Variants in GINS1 observed in about 807,000 individuals in gnomAD.
GINS1 encodes the protein GINS complex subunit 1, also known as DNA replication complex GINS protein PSF1.
In GINS1, 26 loss-of-function variants were observed where a neutral mutation model predicts 34.9. That is an observed-to-expected ratio of 0.74 (90% confidence interval 0.55 to 1.03). The LOEUF (loss-of-function observed/expected upper bound fraction) is 1.03, where lower values mean the gene tolerates loss of function less well. Among genes scored for constraint, GINS1 ranks in the 50% least tolerant of loss-of-function variants. The pLI, the probability that GINS1 is intolerant of heterozygous loss-of-function variation, is 0.00. For missense variants in GINS1, 235 were observed against 237.9 expected, an observed-to-expected ratio of 0.99 and a Z score of 0.08; for synonymous variants, 97 against 84.4, an observed-to-expected ratio of 1.15 and a Z score of -0.82.
At chr20:25,416,902 G>T (rs1004063873) in intron 2 of GINS1, among the ~76,000 whole-genome samples, 3 of 152,192 alleles carry the variant, frequency 2.0e-5, no homozygotes, top group African/African-American at 4.8e-5. Flanking sequence ...CTGGTAGCAT[G>T]ATCTTAGGCA....
At chr20:25,410,694 T>A (rs981290623) in intron 1 of GINS1, among the ~76,000 whole-genome samples, 3 of 152,092 alleles carry the variant, frequency 2.0e-5, no homozygotes, top group African/African-American at 7.2e-5. Flanking sequence ...CCCTAGTAGC[T>A]GGGATTACAG....
rs769830918 is a variant in GINS1 at position 25,441,779 on chromosome 20, A to G, written c.522+3A>G. On this transcript the variant is annotated splice_donor_region_variant and intron_variant, in intron 6 of 6. Coordinates refer to ENST00000262460, the MANE Select transcript of GINS1 (RefSeq NM_021067.5). ...TCCTATTAAAAAAAAATAGCCAGGT[A>G]TTTCTTATCTTCAGATTCTTTACTT... 7.4e-5 allele frequency: 104 copies of G among 1,412,208 alleles called. No homozygotes were observed. The highest frequency in any genetic ancestry group is 9.4e-5 in the Non-Finnish European group (95 of 1,007,192). The allele number at this position is 1,412,208 out of a possible 1,614,324, so 87.5% of individuals were successfully genotyped here.
chr20:25,410,240 C>G (rs1053948233), intron 1 of GINS1, among the ~76,000 whole-genome samples: 1 of 151,870 alleles, frequency 6.6e-6, no homozygotes, highest in African/African-American at 2.4e-5. Context: ...ACTCGGAAGG[C>G]TGAGGCAGGA....
In GINS1 at chr20:25,446,140, T is replaced by C. The variant is rs2090511348; in HGVS notation, c.*149T>C. ...AGAATACTTGGCTAAGAAGTATAATTTGCTAACTATTAAGGACTTTCTTTT... is the reference window on the plus strand; with the variant it reads ...AGAATACTTGGCTAAGAAGTATAATCTGCTAACTATTAAGGACTTTCTTTT... On this transcript the variant is annotated 3_prime_UTR_variant, in exon 7 of 7. Coordinates refer to ENST00000262460, the MANE Select transcript of GINS1 (RefSeq NM_021067.5). 1 of 505,242 alleles carries C rather than the reference T, an allele frequency of 2.0e-6. No homozygotes were observed. The highest frequency in any genetic ancestry group is 1.9e-5 in the African/African-American group (1 of 51,470). The allele number at this position is 505,242 out of a possible 1,614,324, so 31.3% of individuals were successfully genotyped here.
At chr20:25,426,282 G>A (rs925203547) in intron 5 of GINS1, among the ~76,000 whole-genome samples, 2 of 152,024 alleles carry the variant, frequency 1.3e-5, no homozygotes, top group Admixed American at 6.6e-5. Flanking sequence ...CAGAATTTCC[G>A]GCTGGGCACG....
rs906806476 is a variant in GINS1 at position 25,441,400 on chromosome 20, T to C, written c.448-302T>C. On this transcript the variant is annotated intron_variant, in intron 5 of 6. Transcript: ENST00000262460. ...CTAAAACATTCCTTGTGGATAGATA[T>C]TTCACCTGCTTAATTTTTCAGGATT... 2.0e-5 allele frequency among the ~76,000 whole-genome samples: 3 copies of C among 152,142 alleles called. No individual in the cohort carries two copies. The South Asian group carries it at 6.2e-4, about 32-fold the overall frequency.
rs369823601 is a variant in GINS1, at chr20:25,444,211, C to T, written c.523-1712C>T. On this transcript the variant is annotated intron_variant, in intron 6 of 6. Transcript: ENST00000262460. ...ATTTTTTTTAGTAGAGGCGGGGTTT[C>T]ACCATGTTGATCAGGCTGGTCTCAA... 1.8e-4 allele frequency among the ~76,000 whole-genome samples: 28 copies of T among 151,986 alleles called. No homozygotes were observed. In the East Asian group the frequency reaches 5.2e-3, roughly 28 times the overall value.
intron 5 of GINS1, among the ~76,000 whole-genome samples, chr20:25,431,799 T>G (rs1044195367): frequency 1.3e-5 from 2 of 152,072 alleles, no homozygotes; most frequent in Non-Finnish European, 2.9e-5. Context: ...CTTGAACTCC[T>G]TACCTCAAGT....
intron 4 of GINS1, chr20:25,421,101 C>A: frequency 8.6e-6 from 2 of 232,544 alleles, no homozygotes; most frequent in Non-Finnish European, 1.4e-5. Context: ...TTGAGTCTGC[C>A]ACCTAAATTC....
intron 5 of GINS1, 67 bp from the exon 6 acceptor site, chr20:25,441,635 A>G (rs1259974275): frequency 1.3e-6 from 1 of 761,790 alleles, no homozygotes; most frequent in Non-Finnish European, 2.3e-6. Flanking sequence ...TATAATGCTG[A>G]TTTATTTTTT....
chr20:25,431,077 G>C (rs2090424407), intron 5 of GINS1, among the ~76,000 whole-genome samples: 1 of 152,146 alleles, frequency 6.6e-6, no homozygotes, highest in Non-Finnish European at 1.5e-5. Context: ...ATTAGTGATT[G>C]AGTCCCCTTA....
At chr20:25,408,818 C>A in intron 1 of GINS1, 1 of 604,124 alleles carries the variant, frequency 1.7e-6, no homozygotes, top group Non-Finnish European at 2.1e-6. Flanking sequence ...AGGATTTGAA[C>A]CCTGGCACTC....
chr20:25,423,257 G>T (rs151014864), intron 4 of GINS1, among the ~76,000 whole-genome samples: 1,654 of 151,154 alleles, frequency 0.011, 28 homozygotes, highest in African/African-American at 0.035. Context: ...GGGACTACAG[G>T]TGTGTGCCAC....
chr20:25,415,551 G>A (rs1054214868), intron 2 of GINS1, among the ~76,000 whole-genome samples: 5 of 152,086 alleles, frequency 3.3e-5, no homozygotes, highest in Admixed American at 3.3e-4. Context: ...CATGCGTGGT[G>A]GCGCATGCCT....
intron 5 of GINS1, among the ~76,000 whole-genome samples, chr20:25,436,688 G>A (rs2090456573): frequency 1.3e-5 from 2 of 151,914 alleles, no homozygotes; most frequent in Admixed American, 1.3e-4. Context: ...TTTCCATTTT[G>A]TTCATACATT....
intron 1 of GINS1, among the ~76,000 whole-genome samples, chr20:25,409,693 G>A (rs781368298): frequency 1.8e-4 from 27 of 152,358 alleles, no homozygotes; most frequent in South Asian, 1.4e-3. Context: ...TGAATTTACA[G>A]CATATTGGAG....
At chr20:25,417,982 GTTC>G (rs879232632) in intron 3 of GINS1, 120 bp from the exon 4 acceptor site, 50 of 713,616 alleles carry the variant, frequency 7.0e-5, no homozygotes, top group East Asian at 5.4e-4. Flanking sequence ...CTGTGTTCAT[GTTC>G]TTCTTGTTTT....
chr20:25,425,054 T>C (rs1291446756), intron 4 of GINS1, among the ~76,000 whole-genome samples, 157 bp from the exon 5 acceptor site: 1 of 152,210 alleles, frequency 6.6e-6, no homozygotes, highest in Non-Finnish European at 1.5e-5. Flanking sequence ...CCCAGACCAA[T>C]GCCTATATCA....
intron 1 of GINS1, among the ~76,000 whole-genome samples, chr20:25,409,889 T>C (rs2090272724): frequency 6.6e-6 from 1 of 152,228 alleles, no homozygotes; most frequent in African/African-American, 2.4e-5. Context: ...ATTGTACATA[T>C]CAGGACACAG....
Sources: allele counts gnomAD v4.1 joint callset (sites outside exome capture counted in the v4.1 genomes callset), GRCh38; gene constraint gnomAD v4.1.1; transcripts MANE v1.5; gene names NCBI Gene and HGNC (gene_info 2026-07-23, HGNC 2026-07-21).